The following DEDD2 variants were observed in gnomAD, a reference collection of about 807,000 sequenced individuals.
DEDD2 encodes the protein death effector domain containing 2.
DEDD2 carries 18 observed loss-of-function variants against 28.9 expected under a neutral mutation model. The ratio of observed to expected loss-of-function variants is 0.62; its 90% CI spans 0.43 to 0.92. DEDD2 has a LOEUF of 0.92. Ranked by LOEUF, DEDD2 falls within the 40% of genes least tolerant of loss-of-function variation. The pLI, the probability that DEDD2 is intolerant of heterozygous loss-of-function variation, is 0.00. For missense variants in DEDD2, 411 were observed against 463.3 expected (o/e 0.89, Z 1.04); for synonymous variants, 211 against 206.1 (o/e 1.02, Z -0.20).
chr19:42,212,863 C>T (rs968259896), intron 3 of DEDD2, among the ~76,000 whole-genome samples: 3 of 152,242 alleles, frequency 2.0e-5, no homozygotes, highest in South Asian at 4.2e-4. Context: ...CCACACAAAG[C>T]ACTAAGATTA....
Position 42,199,706 on chromosome 19 carries a change from A to ACT in DEDD2, c.711_712dup (p.Val238GlufsTer31). ...AGAGCCCAGGTCCCTTGAGCGCAGCACTGCGGTGGCCTGCCCAAACACGTC... is the reference window on the plus strand; with the variant it reads ...AGAGCCCAGGTCCCTTGAGCGCAGCACTCTGCGGTGGCCTGCCCAAACACGTC... On this transcript the variant is annotated frameshift_variant, in exon 5 of 5. Coordinates refer to ENST00000596251, the MANE Select transcript of DEDD2 (RefSeq NM_133328.4). LOFTEE classifies it high-confidence loss of function. The surrounding 1 kb of genome is among the most constrained non-coding windows in gnomAD (Gnocchi z 7.4). 1 of 1,614,110 alleles carries ACT rather than the reference A, an allele frequency of 6.2e-7. No homozygotes were observed. The highest frequency in any genetic ancestry group is 8.5e-7 in the Non-Finnish European group (1 of 1,179,962).
chr19:42,209,944 G>A, intron 3 of DEDD2, 104 bp from the exon 4 acceptor site: 1 of 1,379,096 alleles, frequency 7.3e-7, no homozygotes, highest in Non-Finnish European at 9.5e-7. Context: ...CTGAGACCCT[G>A]AGTGAGCCAG....
intron 4 of DEDD2, among the ~76,000 whole-genome samples, chr19:42,208,596 C>T (rs1225298433): frequency 6.6e-6 from 1 of 152,218 alleles, no homozygotes; most frequent in Non-Finnish European, 1.5e-5. Context: ...CAGTGCCTGG[C>T]GCATGGAATA....
At chr19:42,214,997 A>T in intron 3 of DEDD2, 136 bp downstream of exon 3, 1 of 1,278,016 alleles carries the variant, frequency 7.8e-7, no homozygotes, top group South Asian at 1.5e-5. Context: ...ATCTGTAGCA[A>T]TAAACACACA....
intron 3 of DEDD2, among the ~76,000 whole-genome samples, chr19:42,212,280 C>G (rs2035800844): frequency 6.6e-6 from 1 of 151,806 alleles, no homozygotes; most frequent in Admixed American, 6.6e-5. Flanking sequence ...GCAGGAGGAT[C>G]ACTTAAACCT....
chr19:42,218,584 T>C (rs1450916404), upstream of DEDD2, among the ~76,000 whole-genome samples: 1 of 152,030 alleles, frequency 6.6e-6, no homozygotes, highest in Non-Finnish European at 1.5e-5. Context: ...GCCCCCCACT[T>C]AGGTGACTCA....
chr19:42,204,137 G>T (rs890578159), intron 4 of DEDD2, among the ~76,000 whole-genome samples: 1 of 151,768 alleles, frequency 6.6e-6, no homozygotes, highest in African/African-American at 2.4e-5. Flanking sequence ...GACATCAAGT[G>T]AAATGGGCTT....
intron 4 of DEDD2, chr19:42,204,497 T>G (rs1308289062): frequency 6.5e-6 from 1 of 152,690 alleles, no homozygotes; most frequent in Non-Finnish European, 1.5e-5. Context: ...CCTTCCACCA[T>G]GAATGGAAGC....
chr19:42,208,553 C>T (rs969450429), intron 4 of DEDD2, among the ~76,000 whole-genome samples: 6 of 152,240 alleles, frequency 3.9e-5, no homozygotes, highest in Non-Finnish European at 8.8e-5. Context: ...AGAGGAATCA[C>T]ATCACGTCAC....
rs1346177994 is a variant in DEDD2, at chr19:42,208,039, C to T, written c.589+1661G>A. Among the ~76,000 whole-genome samples, 3 of 152,356 alleles carry T rather than the reference C, an allele frequency of 2.0e-5. No individual in the cohort carries two copies. In the South Asian group the frequency reaches 6.2e-4, roughly 32 times the overall value. ...GCACACCCCAGAGCCCCTGCACTCACAATACCCGTGCCACCTGTCACATCA... is the reference window on the plus strand; with the variant it reads ...GCACACCCCAGAGCCCCTGCACTCATAATACCCGTGCCACCTGTCACATCA... On this transcript the variant is annotated intron_variant, in intron 4 of 4. Coordinates refer to ENST00000596251, the MANE Select transcript of DEDD2 (RefSeq NM_133328.4).
intron 4 of DEDD2, among the ~76,000 whole-genome samples, chr19:42,208,255 CA>C (rs1225351502): frequency 6.6e-6 from 1 of 152,186 alleles, no homozygotes; most frequent in Non-Finnish European, 1.5e-5. Context: ...AGTAGTCTCA[CA>C]GCAGAGTCCC....
intron 4 of DEDD2, among the ~76,000 whole-genome samples, chr19:42,202,484 G>A (rs909456514): frequency 1.3e-5 from 2 of 152,194 alleles, no homozygotes; most frequent in African/African-American, 4.8e-5. Context: ...TGGACCTCTG[G>A]TATAAGTTCT....
At chr19:42,216,315 C>T (rs1197410500) in intron 2 of DEDD2, among the ~76,000 whole-genome samples, 2 of 152,228 alleles carry the variant, frequency 1.3e-5, no homozygotes, top group African/African-American at 4.8e-5. Flanking sequence ...ATTATACGTG[C>T]AAACTGCTTA....
chr19:42,199,918 C>A lies in DEDD2; in HGVS notation c.590-89G>T. ...CACCCTTCCTCCCTCCAGCCTTCTC[C>A]CTCCACCCCCTTCCGGTAGCCACAC... On this transcript the variant is annotated intron_variant, in intron 4 of 4. Transcript: ENST00000596251. This position sits in a 1 kb window ranked among gnomAD's most constrained non-coding sequence, Gnocchi z 7.4. 1 of 1,468,410 alleles carries A rather than the reference C, an allele frequency of 6.8e-7. No homozygotes were observed. The highest frequency in any genetic ancestry group is 1.4e-5 in the South Asian group (1 of 71,406). 91.0% of individuals were successfully genotyped at this position (1,468,410 alleles called of 1,614,324 possible).
chr19:42,202,153 T>G (rs1277268580), intron 4 of DEDD2: 2 of 398,462 alleles, frequency 5.0e-6, no homozygotes, highest in African/African-American at 4.1e-5. Flanking sequence ...AAATGCTTGC[T>G]TACAGCCCTA....
chr19:42,208,696 G>A (rs2035629383), intron 4 of DEDD2, among the ~76,000 whole-genome samples: 1 of 152,144 alleles, frequency 6.6e-6, no homozygotes, highest in South Asian at 2.1e-4. Context: ...CCCTCTCTTG[G>A]TGGCACTTAT....
At chr19:42,214,207 A>G (rs1383475389) in intron 3 of DEDD2, among the ~76,000 whole-genome samples, 6 of 152,188 alleles carry the variant, frequency 3.9e-5, no homozygotes, top group South Asian at 2.1e-4. Context: ...TGTAATCCCA[A>G]CACTTTCGGA....
chr19:42,207,545 CT>C (rs1325470423), intron 4 of DEDD2, among the ~76,000 whole-genome samples: 4 of 152,190 alleles, frequency 2.6e-5, no homozygotes, highest in South Asian at 2.1e-4. Flanking sequence ...GGCACCACCC[CT>C]GGCCTCATGT....
intron 4 of DEDD2, among the ~76,000 whole-genome samples, chr19:42,206,920 A>G (rs1423150730): frequency 6.6e-6 from 1 of 152,180 alleles, no homozygotes; most frequent in Non-Finnish European, 1.5e-5. Context: ...GCCTCACTCC[A>G]GCCCCACCCT....
Sources: allele counts gnomAD v4.1 joint callset (sites outside exome capture counted in the v4.1 genomes callset), GRCh38; gene constraint gnomAD v4.1.1; non-coding constraint Gnocchi (gnomAD v3.1); transcripts MANE v1.5; gene names NCBI Gene and HGNC (gene_info 2026-07-23, HGNC 2026-07-21).